SYBU: variants seen among roughly 807,000 people sequenced by gnomAD.
The protein encoded by SYBU is syntabulin.
Under a neutral mutation model 35.9 loss-of-function variants are expected in SYBU, and 21 were observed. That is an observed-to-expected ratio of 0.58 (90% confidence interval 0.41 to 0.84). The LOEUF (loss-of-function observed/expected upper bound fraction) is 0.84. Ranked by LOEUF, SYBU falls within the 40% of genes least tolerant of loss-of-function variation. The pLI, the probability that SYBU is intolerant of heterozygous loss-of-function variation, is 0.00. For synonymous variants in SYBU, 319 were observed against 324.3 expected (o/e 0.98, Z 0.18); for missense variants, 768 against 848.2 (o/e 0.91, Z 1.17).
At chr8:109,650,983 A>G (rs1816109711) in intron 1 of SYBU, among the ~76,000 whole-genome samples, 1 of 152,238 alleles carries the variant, frequency 6.6e-6, no homozygotes, top group Non-Finnish European at 1.5e-5. Flanking sequence ...GCATGTTAAA[A>G]TAAGAATGAA....
chr8:109,644,549 C>T, intron 1 of SYBU, 87 bp downstream of exon 1: 1 of 1,440,350 alleles, frequency 6.9e-7, no homozygotes, highest in East Asian at 2.5e-5. Flanking sequence ...CTAAATGTCA[C>T]CCCTCCAGCT....
chr8:109,587,905 T>C (rs377586876), intron 3 of SYBU, among the ~76,000 whole-genome samples: 3 of 152,176 alleles, frequency 2.0e-5, no homozygotes, highest in African/African-American at 7.2e-5. Flanking sequence ...AATGAGCTCC[T>C]AGAAGCTCCC....
rs961086216 is a variant in SYBU at position 109,574,823 on chromosome 8, T to C, written c.*83A>G. ...AGGAGCAAAACGACAGAATAGAGAC[T>C]GTCACAGATGATTGACTTCCTGTTT... is the stretch of plus-strand genomic sequence containing the variant. On this transcript the variant is annotated 3_prime_UTR_variant, in exon 7 of 7. Transcript: ENST00000276646. The C allele has an allele frequency of 3.5e-6, 5 of 1,410,328 alleles. No individual in the cohort carries two copies. The South Asian group carries it at 7.9e-5, about 22-fold the overall frequency. The allele number at this position is 1,410,328 out of a possible 1,614,324, so 87.4% of individuals were successfully genotyped here. A position where few individuals can be genotyped will look rare whatever the true frequency, so the allele number is the denominator to read the frequency against.
intron 2 of SYBU, among the ~76,000 whole-genome samples, chr8:109,622,102 T>C (rs1173371034): frequency 2.6e-5 from 4 of 151,788 alleles, no homozygotes; most frequent in Non-Finnish European, 5.9e-5. Flanking sequence ...AAAAATATTC[T>C]TAGTTCCCAT....
chr8:109,643,070 T>C, intron 1 of SYBU, 138 bp from the exon 2 acceptor site: 1 of 1,378,792 alleles, frequency 7.3e-7, no homozygotes, highest in East Asian at 2.7e-5. Context: ...CCTTCTTATC[T>C]CAGTTGCTGA....
At chr8:109,671,335 A>T (rs1177989648) in intron 1 of SYBU, among the ~76,000 whole-genome samples, 1 of 152,148 alleles carries the variant, frequency 6.6e-6, no homozygotes, top group South Asian at 2.1e-4. Flanking sequence ...TATTCATGCC[A>T]TTAGAGATAG....
chr8:109,586,037 A>G (rs1487089814), intron 4 of SYBU, 23 bp downstream of exon 4: 2 of 1,575,598 alleles, frequency 1.3e-6, no homozygotes, highest in South Asian at 2.3e-5. Context: ...CGTCTTAATT[A>G]CAGAGCAGGA....
intron 2 of SYBU, among the ~76,000 whole-genome samples, chr8:109,623,045 ACACAAACG>A (rs1812613543): frequency 7.3e-6 from 1 of 136,180 alleles, no homozygotes; most frequent in Non-Finnish European, 1.6e-5. Context: ...ACACACACAC[ACACAAACG>A]CACACCCCTC....
At chr8:109,604,902 C>T (rs1825915606) in intron 3 of SYBU, among the ~76,000 whole-genome samples, 1 of 152,208 alleles carries the variant, frequency 6.6e-6, no homozygotes, top group Non-Finnish European at 1.5e-5. Flanking sequence ...TCAGATCTTC[C>T]TGGCAGAGGC....
At position 109,644,710 on chromosome 8, in the gene SYBU, GA is replaced by G; in HGVS notation, c.-52del. 1 of 1,473,780 alleles carries G rather than the reference GA, an allele frequency of 6.8e-7. No individual in the cohort carries two copies. The highest frequency in any genetic ancestry group is 2.7e-5 in the East Asian group (1 of 36,710). The allele number at this position is 1,473,780 out of a possible 1,614,324, so 91.3% of individuals were successfully genotyped here. On this transcript the variant is annotated 5_prime_UTR_variant, in exon 1 of 7. Transcript: ENST00000276646. Reference sequence around the variant, plus strand: ...CGCCGCCGCTGCCGCCGTCCAGGAGGAGGCACCTGCGAGCACGGAGCGAGGA... The same window carrying G: ...CGCCGCCGCTGCCGCCGTCCAGGAGGGGCACCTGCGAGCACGGAGCGAGGA...
chr8:109,631,263 A>C (rs183092443), intron 2 of SYBU, among the ~76,000 whole-genome samples: 9 of 152,318 alleles, frequency 5.9e-5, no homozygotes, highest in African/African-American at 2.2e-4. Flanking sequence ...AATGAAAATT[A>C]GCTTGTCAGA....
intron 1 of SYBU, chr8:109,643,697 AAT>A (rs140163460): frequency 0.011 from 1,790 of 160,562 alleles, 11 homozygotes; most frequent in Middle Eastern, 0.046. Flanking sequence ...ATATTTTCAC[AAT>A]GTTTTCCAAC....
At chr8:109,579,767 T>C (rs1822793692) in intron 5 of SYBU, 32 bp downstream of exon 5, 6 of 1,591,944 alleles carry the variant, frequency 3.8e-6, no homozygotes, top group Non-Finnish European at 5.2e-6. Context: ...TAGGACAAAC[T>C]AAGATGCATG....
intron 3 of SYBU, among the ~76,000 whole-genome samples, chr8:109,612,228 T>C (rs1253388471): frequency 1.3e-5 from 2 of 152,186 alleles, no homozygotes; most frequent in Non-Finnish European, 2.9e-5. Context: ...ATGAGTTAAG[T>C]GCTTGGAATT....
At chr8:109,659,730 C>G (rs1816491375) in intron 1 of SYBU, among the ~76,000 whole-genome samples, 1 of 152,094 alleles carries the variant, frequency 6.6e-6, no homozygotes, top group Non-Finnish European at 1.5e-5. Context: ...TGCCTTTCCC[C>G]CCAAATCTTA....
intron 1 of SYBU, among the ~76,000 whole-genome samples, chr8:109,672,673 C>T (rs956469936): frequency 1.3e-5 from 2 of 152,158 alleles, no homozygotes; most frequent in Non-Finnish European, 2.9e-5. Context: ...GGAATGCCAG[C>T]GAGACAGAAC....
chr8:109,603,893 T>G (rs1288756667), intron 3 of SYBU, among the ~76,000 whole-genome samples: 3 of 152,184 alleles, frequency 2.0e-5, no homozygotes, highest in South Asian at 4.1e-4. Context: ...GCTTCCCTGG[T>G]GGTAAATCTT....
intron 2 of SYBU, 33 bp from the exon 3 acceptor site, chr8:109,619,072 T>A: frequency 6.4e-7 from 1 of 1,563,144 alleles, no homozygotes; most frequent in African/African-American, 1.3e-5. Context: ...TGTTTAATGA[T>A]GAGGAGGAAA....
intron 1 of SYBU, among the ~76,000 whole-genome samples, chr8:109,662,997 T>C (rs1446745131): frequency 6.6e-6 from 1 of 152,166 alleles, no homozygotes; most frequent in African/African-American, 2.4e-5. Flanking sequence ...CATTTTATGA[T>C]GTCACAAAGT....
Sources: gnomAD v4.1 joint callset for allele counts (sites outside exome capture counted in the v4.1 genomes callset) on GRCh38, gnomAD v4.1.1 for gene constraint, MANE v1.5 for transcripts, NCBI Gene and HGNC (gene_info 2026-07-23, HGNC 2026-07-21) for gene names.